FAM13A: variants seen among roughly 807,000 people sequenced by gnomAD.
FAM13A encodes protein FAM13A.
Under a neutral mutation model 129.6 loss-of-function variants are expected in FAM13A, and 76 were observed. The ratio of observed to expected loss-of-function variants is 0.59; its 90% CI spans 0.49 to 0.71. The LOEUF (loss-of-function observed/expected upper bound fraction) is 0.71, where lower values mean the gene tolerates loss of function less well. FAM13A is among the 30% of genes least tolerant of loss of function. The pLI, the probability that FAM13A is intolerant of heterozygous loss-of-function variation, is 0.00. For synonymous variants in FAM13A, 443 were observed against 449.9 expected, an observed-to-expected ratio of 0.98 and a Z score of 0.20; for missense variants, 1,108 against 1,249.3, an observed-to-expected ratio of 0.89 and a Z score of 1.70.
chr4:88,795,866 CTAA>C (rs969302647), intron 8 of FAM13A, among the ~76,000 whole-genome samples: 4 of 151,754 alleles, frequency 2.6e-5, no homozygotes, highest in African/African-American at 4.8e-5. Context: ...GATGTATTCT[CTAA>C]TCTTTTAAAA....
chr4:88,955,217 CATTATATTTATTT>C (rs1757554955), intron 4 of FAM13A, among the ~76,000 whole-genome samples: 1 of 151,986 alleles, frequency 6.6e-6, no homozygotes, highest in South Asian at 2.1e-4. Flanking sequence ...AATTAAATAT[CATTATATTTATTT>C]ATTATATTGT....
At chr4:88,866,274 C>A (rs1740425479) in intron 6 of FAM13A, among the ~76,000 whole-genome samples, 1 of 152,066 alleles carries the variant, frequency 6.6e-6, no homozygotes, top group East Asian at 1.9e-4. Context: ...TCTTGAACTC[C>A]TGACCTTGTG....
intron 3 of FAM13A, among the ~76,000 whole-genome samples, chr4:89,003,052 T>C (rs1383702055): frequency 6.6e-6 from 1 of 151,994 alleles, no homozygotes; most frequent in Non-Finnish European, 1.5e-5. Context: ...GAAAATACTT[T>C]CCAATCTGAT....
chr4:88,871,949 G>C (rs947662605), intron 6 of FAM13A, among the ~76,000 whole-genome samples: 5 of 152,160 alleles, frequency 3.3e-5, no homozygotes, highest in Non-Finnish European at 7.4e-5. Context: ...CGGATCTCTC[G>C]GCAGAAACTC....
chr4:88,767,635 T>G (rs1745939424), intron 12 of FAM13A, 40 bp from the exon 13 acceptor site: 2 of 1,480,686 alleles, frequency 1.4e-6, no homozygotes, highest in African/African-American at 2.8e-5. Context: ...ATAAAATATC[T>G]ACTTGTTTTA....
At chr4:88,919,916 G>A (rs1750745699) in intron 5 of FAM13A, among the ~76,000 whole-genome samples, 2 of 152,246 alleles carry the variant, frequency 1.3e-5, no homozygotes, top group Admixed American at 6.5e-5. Flanking sequence ...TGGCTCGGAG[G>A]GTCCTACGCC....
chr4:88,951,511 T>C (rs2148877968), intron 4 of FAM13A, among the ~76,000 whole-genome samples: 1 of 152,346 alleles, frequency 6.6e-6, no homozygotes, highest in Admixed American at 6.5e-5. Flanking sequence ...TTATAAATTT[T>C]ATGTTTACCA....
intron 10 of FAM13A, 37 bp from the exon 11 acceptor site, chr4:88,781,388 G>A (rs1457047254): frequency 7.1e-7 from 1 of 1,415,496 alleles, no homozygotes; most frequent in African/African-American, 1.4e-5. Context: ...TATTTTAAAA[G>A]ATCAAATGGT....
intron 19 of FAM13A, among the ~76,000 whole-genome samples, chr4:88,744,491 C>A (rs996726028): frequency 6.6e-6 from 1 of 152,162 alleles, no homozygotes; most frequent in African/African-American, 2.4e-5. Flanking sequence ...TGTACAGAAG[C>A]GGCTGATTAC....
At chr4:89,009,825 G>A (rs144330528) in intron 3 of FAM13A, among the ~76,000 whole-genome samples, 13 of 152,260 alleles carry the variant, frequency 8.5e-5, no homozygotes, top group East Asian at 7.7e-4. Flanking sequence ...TGGGTTGAGC[G>A]GTCTGTTGGT....
chr4:88,969,052 T>A (rs1236504044), intron 4 of FAM13A, among the ~76,000 whole-genome samples: 1 of 152,186 alleles, frequency 6.6e-6, no homozygotes, highest in Non-Finnish European at 1.5e-5. Context: ...CAGTATTAAC[T>A]AACATTAAAA....
At chr4:88,885,249 C>T (rs1163950070) in intron 6 of FAM13A, among the ~76,000 whole-genome samples, 1 of 152,058 alleles carries the variant, frequency 6.6e-6, no homozygotes, top group Non-Finnish European at 1.5e-5. Context: ...TCACATTACC[C>T]AACCTCAAAC....
chr4:88,737,459 CT>C lies in FAM13A; in HGVS notation c.2646+12del, dbSNP rs1007194816. The C allele has an allele frequency of 6.2e-7, 1 of 1,611,686 alleles. No homozygotes were observed. The highest frequency in any genetic ancestry group is 8.5e-7 in the Non-Finnish European group (1 of 1,177,954). On this transcript the variant is annotated intron_variant, in intron 21 of 23. Transcript: ENST00000264344. ...TGCGGATTTAGCAATGGGTTAGCAG[CT>C]GGGGTCTTCACCTTTATCTCCTTGA...
chr4:88,988,361 T>C (rs1762528064), intron 4 of FAM13A, among the ~76,000 whole-genome samples: 1 of 152,186 alleles, frequency 6.6e-6, no homozygotes, highest in Admixed American at 6.5e-5. Context: ...TTGGGATACT[T>C]GAATGGACTC....
At chr4:88,770,298 A>T (rs1404168370) in intron 11 of FAM13A, among the ~76,000 whole-genome samples, 1 of 152,234 alleles carries the variant, frequency 6.6e-6, no homozygotes, top group Non-Finnish European at 1.5e-5. Flanking sequence ...TCTATGACAA[A>T]GAATCTTTGT....
chr4:88,963,177 A>G (rs1364253587), intron 4 of FAM13A, among the ~76,000 whole-genome samples: 3 of 152,218 alleles, frequency 2.0e-5, no homozygotes, highest in African/African-American at 7.2e-5. Context: ...AAGCTTAACA[A>G]TGTGATAACG....
intron 11 of FAM13A, 90 bp from the exon 12 acceptor site, chr4:88,768,149 A>G: frequency 2.9e-6 from 2 of 684,882 alleles, no homozygotes; most frequent in South Asian, 1.9e-5. Flanking sequence ...AAAATCAAAT[A>G]ATATGTATAT....
At chr4:88,810,579 T>C (rs1729482143) in intron 7 of FAM13A, among the ~76,000 whole-genome samples, 1 of 152,216 alleles carries the variant, frequency 6.6e-6, no homozygotes, top group African/African-American at 2.4e-5. Context: ...CAAATTCAGA[T>C]AGAAAAACAT....
At chr4:88,847,635 A>C (rs921543024) in intron 7 of FAM13A, among the ~76,000 whole-genome samples, 7 of 152,016 alleles carry the variant, frequency 4.6e-5, no homozygotes, top group Admixed American at 6.5e-5. Context: ...TGGATGAATA[A>C]AAATTACATA....
Sources: gnomAD v4.1 joint callset for allele counts (sites outside exome capture counted in the v4.1 genomes callset) on GRCh38, gnomAD v4.1.1 for gene constraint, MANE v1.5 for transcripts, NCBI Gene and HGNC (gene_info 2026-07-23, HGNC 2026-07-21) for gene names.